The following MFHAS1 variants were observed in gnomAD, a reference collection of about 807,000 sequenced individuals.
MFHAS1 encodes multifunctional ROCO family signaling regulator 1.
MFHAS1 carries 50 observed loss-of-function variants against 70.4 expected under a neutral mutation model. The observed-to-expected ratio is 0.71, with a 90% CI of 0.57 to 0.90. MFHAS1 has a LOEUF of 0.90. Ranked by LOEUF, MFHAS1 falls within the 40% of genes least tolerant of loss-of-function variation. The pLI, the probability that MFHAS1 is intolerant of heterozygous loss-of-function variation, is 0.00. For synonymous variants in MFHAS1, 952 were observed against 620.0 expected (o/e 1.54, Z -7.96); for missense variants, 1,795 against 1,347.6 (o/e 1.33, Z -5.20).
Position 8,822,383 on chromosome 8 carries a change from G to C in MFHAS1, c.2999-24892C>G, listed in dbSNP as rs142211475. Among the ~76,000 whole-genome samples the C allele has an allele frequency of 3.8e-3, 579 of 152,278 alleles. 4 individuals are homozygous for C. The highest frequency in any genetic ancestry group is 0.014 in the Middle Eastern group (4 of 294). ...GACGTGACCATGCCTGATGCAGAGG[G>C]ACAGAGATGGGGGCAGGGGATGGAG... On this transcript the variant is annotated intron_variant, in intron 1 of 2. Coordinates refer to ENST00000276282, the MANE Select transcript of MFHAS1 (RefSeq NM_004225.3).
chr8:8,856,927 A>C (rs1266359059), intron 1 of MFHAS1, among the ~76,000 whole-genome samples: 2 of 133,510 alleles, frequency 1.5e-5, no homozygotes, highest in African/African-American at 2.8e-5. Flanking sequence ...AATATATTCT[A>C]GTTCTCATCT....
chr8:8,862,827 G>C (rs1010195634), intron 1 of MFHAS1, among the ~76,000 whole-genome samples: 2 of 152,170 alleles, frequency 1.3e-5, no homozygotes, highest in Non-Finnish European at 2.9e-5. Context: ...TGGGGACAGG[G>C]AACAGATGGG....
intron 1 of MFHAS1, among the ~76,000 whole-genome samples, chr8:8,884,586 G>C (rs950031172): frequency 6.6e-6 from 1 of 152,168 alleles, no homozygotes; most frequent in African/African-American, 2.4e-5. Context: ...GTGAGGGGGA[G>C]GGAGTTGGGA....
intron 1 of MFHAS1, among the ~76,000 whole-genome samples, chr8:8,804,450 G>A (rs908451453): frequency 2.6e-5 from 4 of 152,316 alleles, no homozygotes; most frequent in Admixed American, 2.0e-4. Flanking sequence ...ACCCTTCAGC[G>A]TCTTGAAGCT....
At chr8:8,787,380 T>C (rs1805590252) in intron 2 of MFHAS1, among the ~76,000 whole-genome samples, 1 of 152,046 alleles carries the variant, frequency 6.6e-6, no homozygotes, top group African/African-American at 2.4e-5. Context: ...GCGCCCGGCC[T>C]CAGCATCTTA....
chr8:8,889,969 T>C, intron 1 of MFHAS1, 92 bp downstream of exon 1: 1 of 1,115,304 alleles, frequency 9.0e-7, no homozygotes, highest in Non-Finnish European at 1.3e-6. Context: ...ACCCGTGAAG[T>C]TAAACAAACA....
chr8:8,815,984 T>A (rs1806727438), intron 1 of MFHAS1, among the ~76,000 whole-genome samples: 1 of 152,222 alleles, frequency 6.6e-6, no homozygotes, highest in African/African-American at 2.4e-5. Context: ...GGAAAAGGAA[T>A]GAGCCATGGA....
intron 1 of MFHAS1, among the ~76,000 whole-genome samples, chr8:8,839,482 A>C (rs1807722981): frequency 6.6e-6 from 1 of 152,200 alleles, no homozygotes; most frequent in Non-Finnish European, 1.5e-5. Flanking sequence ...GCTGGAAATG[A>C]GATATCCTAG....
chr8:8,863,118 T>C (rs1563209590), intron 1 of MFHAS1, among the ~76,000 whole-genome samples: 1 of 152,236 alleles, frequency 6.6e-6, no homozygotes, highest in Non-Finnish European at 1.5e-5. Flanking sequence ...CACTGAATTA[T>C]ATTTGTACCT....
chr8:8,836,471 C>T (rs1261150591), intron 1 of MFHAS1, among the ~76,000 whole-genome samples: 2 of 152,192 alleles, frequency 1.3e-5, no homozygotes, highest in Non-Finnish European at 2.9e-5. Flanking sequence ...CTCAAACTCC[C>T]GGGCTCGAGT....
chr8:8,833,566 C>T (rs1807488906), intron 1 of MFHAS1, among the ~76,000 whole-genome samples: 3 of 152,062 alleles, frequency 2.0e-5, no homozygotes, highest in Non-Finnish European at 4.4e-5. Flanking sequence ...GAGTTCAAGG[C>T]TGCAGTGAGC....
chr8:8,837,856 A>AAATATCCTG (rs1807659687), intron 1 of MFHAS1, among the ~76,000 whole-genome samples: 1 of 152,188 alleles, frequency 6.6e-6, no homozygotes, highest in Non-Finnish European at 1.5e-5. Context: ...CGCTACAGAA[A>AAATATCCTG]ACAGTATTAT....
At chr8:8,870,140 T>C (rs1186104243) in intron 1 of MFHAS1, among the ~76,000 whole-genome samples, 4 of 152,124 alleles carry the variant, frequency 2.6e-5, no homozygotes, top group Non-Finnish European at 4.4e-5. Flanking sequence ...AAGTGTTAGC[T>C]AGTGAATAGA....
Position 8,828,438 on chromosome 8 carries a change from G to C in MFHAS1, c.2999-30947C>G, listed in dbSNP as rs182420364. ...TGACCTAGGGCAGTCTGAAGCTGCA[G>C]TGTTCTCAGATGGCCTTCAAAGACG... On this transcript the variant is annotated intron_variant, in intron 1 of 2. Transcript: ENST00000276282. Among the ~76,000 whole-genome samples, 311 of 152,304 alleles carry C rather than the reference G, an allele frequency of 2.0e-3. 2 individuals carry two copies. The highest frequency in any genetic ancestry group is 3.7e-3 in the Non-Finnish European group (250 of 68,026).
At chr8:8,871,549 GCAAA>G (rs745972000) in intron 1 of MFHAS1, among the ~76,000 whole-genome samples, 17 of 152,220 alleles carry the variant, frequency 1.1e-4, no homozygotes, top group Admixed American at 2.0e-4. Flanking sequence ...TCACAAACAC[GCAAA>G]CAAAGAAAAA....
At chr8:8,834,511 T>C (rs952850230) in intron 1 of MFHAS1, among the ~76,000 whole-genome samples, 1 of 152,210 alleles carries the variant, frequency 6.6e-6, no homozygotes, top group Admixed American at 6.5e-5. Context: ...TGTGTTCACA[T>C]TTGAGATACA....
At chr8:8,786,344 T>A (rs1261693618) in intron 2 of MFHAS1, among the ~76,000 whole-genome samples, 1 of 152,154 alleles carries the variant, frequency 6.6e-6, no homozygotes, top group Non-Finnish European at 1.5e-5. Context: ...CCACTGTAAT[T>A]TTATAGCTTA....
chr8:8,892,371 T>C lies in MFHAS1; in HGVS notation c.688A>G (p.Lys230Glu), dbSNP rs1810096752. ...TCGGCCCCACTCAGCCAGAGGATCT[T>C]GAGGGCACGCAGGGCACTGATATCC... ...PEDISALRAL[K>E]ILWLSGAELG... is the part of the protein sequence containing the mutation. The change falls in exon 1 of 3, where the codon AAG becomes GAG. Residue 230 changes from lysine (K) to glutamate (E), a missense_variant. Physicochemically the swap from Lys to Glu is moderately conservative, Grantham distance 56. Coordinates refer to ENST00000276282, the MANE Select transcript of MFHAS1 (RefSeq NM_004225.3). This position sits in a 1 kb window ranked among gnomAD's most constrained non-coding sequence, Gnocchi z 4.7. The C allele has an allele frequency of 6.2e-7, 1 of 1,612,304 alleles. No individual in the cohort carries two copies. The highest frequency in any genetic ancestry group is 1.3e-5 in the African/African-American group (1 of 74,834).
In MFHAS1 at chr8:8,850,646, C is replaced by T. The variant is rs567227380; in HGVS notation, c.2998+39415G>A. Among the ~76,000 whole-genome samples the T allele has an allele frequency of 5.9e-5, 9 of 152,142 alleles. No homozygotes were observed. The South Asian group carries it at 1.9e-3, about 32-fold the overall frequency. On this transcript the variant is annotated intron_variant, in intron 1 of 2. Transcript: ENST00000276282. ...CACTAAGGTCAGGAGACCAGCCTGG[C>T]CAACATGGCAAAACCCTGTCTCTAC... is the stretch of plus-strand genomic sequence containing the variant.
Sources: allele counts gnomAD v4.1 joint callset (sites outside exome capture counted in the v4.1 genomes callset), GRCh38; gene constraint gnomAD v4.1.1; non-coding constraint Gnocchi (gnomAD v3.1); transcripts MANE v1.5; gene names NCBI Gene and HGNC (gene_info 2026-07-23, HGNC 2026-07-21).